TNFRSF10B: variants seen among roughly 807,000 people sequenced by gnomAD.
TNFRSF10B encodes TNF receptor superfamily member 10b, also known as tumor necrosis factor receptor superfamily member 10B.
Under a neutral mutation model 41.4 loss-of-function variants are expected in TNFRSF10B, and 35 were observed. The ratio of observed to expected loss-of-function variants is 0.85; its 90% CI spans 0.65 to 1.12. The LOEUF (loss-of-function observed/expected upper bound fraction) is 1.12, where lower values mean the gene tolerates loss of function less well. TNFRSF10B is among the 50% of genes most tolerant of loss of function. TNFRSF10B has a pLI of 0.00. For synonymous variants in TNFRSF10B, 230 were observed against 215.5 expected, an observed-to-expected ratio of 1.07 and a Z score of -0.59; for missense variants, 584 against 552.7, an observed-to-expected ratio of 1.06 and a Z score of -0.57.
intron 7 of TNFRSF10B, among the ~76,000 whole-genome samples, chr8:23,026,451 T>G (rs1811704038): frequency 6.6e-6 from 1 of 152,208 alleles, no homozygotes; most frequent in Admixed American, 6.5e-5. Flanking sequence ...TTTCTCAGCT[T>G]ATATTGAATC....
chr8:23,033,581 G>A (rs1207882164), intron 2 of TNFRSF10B, among the ~76,000 whole-genome samples: 20 of 82,374 alleles, frequency 2.4e-4, no homozygotes, highest in African/African-American at 8.4e-4. Context: ...GCGAGACTCC[G>A]TCTCAAAAAA....
At position 23,068,955 on chromosome 8, in the gene TNFRSF10B, CG is replaced by C. The variant is rs1226249019; in HGVS notation, c.-62del. The C allele has an allele frequency of 1.6e-5, 25 of 1,611,780 alleles. No individual in the cohort carries two copies. The highest frequency in any genetic ancestry group is 2.7e-5 in the African/African-American group (2 of 74,888). On this transcript the variant is annotated 5_prime_UTR_variant, in exon 1 of 9. An upstream open reading frame in the 5' UTR loses its in-frame stop. Transcript: ENST00000276431. ...GTGGGTTTCAGCCCTTAAAGTAGATCGGGCATCGTCGGTGTATTTTGTGGGC... is the reference window on the plus strand; with the variant it reads ...GTGGGTTTCAGCCCTTAAAGTAGATCGGCATCGTCGGTGTATTTTGTGGGC...
rs543325834 is a variant in TNFRSF10B at position 23,020,657 on chromosome 8, A to G, written c.*2014T>C. 206 of 453,986 alleles carry G rather than the reference A, an allele frequency of 4.5e-4. No individual in the cohort carries two copies. Among genetic ancestry groups the G allele is most frequent in the Admixed American group, 4.0e-3 (170 of 42,558 alleles). The allele number at this position is 453,986 out of a possible 1,614,324, so 28.1% of individuals were successfully genotyped here. A position where few individuals can be genotyped will look rare whatever the true frequency, so the allele number is the denominator to read the frequency against. On this transcript the variant is annotated 3_prime_UTR_variant, in exon 9 of 9. Transcript: ENST00000276431. ...CACTGAGCCAAGATCGTACCGTTGC[A>G]CTCCAGCCTGGGCGAGAGAGTGAGA...
At position 23,057,165 on chromosome 8, in the gene TNFRSF10B, G is replaced by A. The variant is rs558872764; in HGVS notation, c.144+11586C>T. ...TGCCATTCTCCTGCCTCAGCCTCCC[G>A]AGTAGCTGGGACTACAGGAGCCCAC... is the stretch of plus-strand genomic sequence containing the variant. On this transcript the variant is annotated intron_variant, in intron 1 of 8. Transcript: ENST00000276431. Among the ~76,000 whole-genome samples the A allele has an allele frequency of 1.7e-4, 25 of 149,484 alleles. 1 individual carries two copies. Among genetic ancestry groups the A allele is most frequent in the African/African-American group, 5.7e-4 (23 of 40,088 alleles).
rs1813080039 is a variant in TNFRSF10B at position 23,068,791 on chromosome 8, G to C, written c.104C>G (p.Pro35Arg). Residue 35 changes from proline to arginine, a missense_variant, in exon 1 of 9, where the codon CCC (proline) becomes CGC (arginine). Transcript: ENST00000276431. ...GGCGACAACGAGCACAAGGGTCTTG[G>C]GGACCCGGGGCCCAGGCCTGGCTCC... ...ARGARPGPRV[P>R]KTLVLVVAAV... The C allele has an allele frequency of 6.2e-7, 1 of 1,607,696 alleles. No homozygotes were observed. Among genetic ancestry groups the C allele is most frequent in the African/African-American group, 1.3e-5 (1 of 74,820 alleles).
chr8:23,026,691 C>G (rs1811714024), intron 7 of TNFRSF10B, among the ~76,000 whole-genome samples: 1 of 152,160 alleles, frequency 6.6e-6, no homozygotes, highest in Non-Finnish European at 1.5e-5. Context: ...ATACAAAAGC[C>G]CTTTGTGCAT....
intron 1 of TNFRSF10B, among the ~76,000 whole-genome samples, chr8:23,066,790 G>A (rs997685890): frequency 3.3e-5 from 5 of 151,884 alleles, no homozygotes; most frequent in Admixed American, 1.3e-4. Flanking sequence ...CCAGCTACAC[G>A]GGATGCTGAG....
chr8:23,026,546 C>A (rs959619231), intron 7 of TNFRSF10B, among the ~76,000 whole-genome samples: 1 of 152,138 alleles, frequency 6.6e-6, no homozygotes. Context: ...ACTGGATAGT[C>A]TCATCTTATG....
chr8:23,057,778 G>A (rs987064112), intron 1 of TNFRSF10B, among the ~76,000 whole-genome samples: 3 of 152,156 alleles, frequency 2.0e-5, no homozygotes, highest in African/African-American at 7.2e-5. Context: ...TCTACCAGAT[G>A]AATTAACTCT....
chr8:23,068,392 A>C, intron 1 of TNFRSF10B: 1 of 338,330 alleles, frequency 3.0e-6, no homozygotes, highest in Non-Finnish European at 5.5e-6. Context: ...AAAGAAAGGA[A>C]GAAAGAGAAA....
chr8:23,026,124 C>T (rs1811695423), intron 7 of TNFRSF10B, among the ~76,000 whole-genome samples: 1 of 152,112 alleles, frequency 6.6e-6, no homozygotes, highest in Non-Finnish European at 1.5e-5. Context: ...GAAGTATTGG[C>T]ATTGTTCATT....
At chr8:23,027,500 G>A (rs1362352939) in intron 6 of TNFRSF10B, 1 of 782,632 alleles carries the variant, frequency 1.3e-6, no homozygotes, top group African/African-American at 1.7e-5. Context: ...CTAGGGTGCA[G>A]GCTGTGGGGT....
chr8:23,030,860 G>A lies in TNFRSF10B; in HGVS notation c.263C>T (p.Ser88Leu), dbSNP rs1441954339. 1.9e-6 allele frequency: 3 copies of A among 1,609,996 alleles called. No homozygotes were observed. The South Asian group carries it at 3.3e-5, about 18-fold the overall frequency. ...GGAGATGCAATCTCTACCGTCTTCT[G>A]AGATATGGTGTCCTGGGAGGGGAGA... ...EGLCPPGHHI[S>L]EDGRDCISCK... The change falls in exon 3 of 9, where the codon TCA (serine) becomes TTA (leucine). Residue 88 changes from serine to leucine, a missense_variant. Transcript: ENST00000276431.
chr8:23,042,498 C>T (rs932297414), intron 2 of TNFRSF10B, among the ~76,000 whole-genome samples: 21 of 152,138 alleles, frequency 1.4e-4, no homozygotes, highest in Non-Finnish European at 2.6e-4. Flanking sequence ...GCTCAAATGA[C>T]CTTACGGGAC....
At position 23,022,886 on chromosome 8, in the gene TNFRSF10B, C is replaced by G; in HGVS notation, c.1108G>C (p.Val370Leu). ...KLGLMDNEIKVAKAEAAGHRD... is the reference protein window; with the variant it reads ...KLGLMDNEIKLAKAEAAGHRD... ...TGGCCCGCTGCCTCAGCTTTAGCCA[C>G]CTTTATCTCATTGTCCATGAGGCCC... Residue 370 changes from valine (V) to leucine (L), a missense_variant, in exon 9 of 9, where the codon GTG becomes CTG. Val to Leu is a conservative substitution (Grantham distance 32, BLOSUM62 1). Coordinates refer to ENST00000276431, the MANE Select transcript of TNFRSF10B (RefSeq NM_003842.5). 1.2e-6 allele frequency: 2 copies of G among 1,614,074 alleles called. No individual in the cohort carries two copies. The highest frequency in any genetic ancestry group is 1.7e-6 in the Non-Finnish European group (2 of 1,180,038).
intron 1 of TNFRSF10B, among the ~76,000 whole-genome samples, chr8:23,056,199 A>G (rs1249481671): frequency 2.1e-5 from 3 of 146,094 alleles, no homozygotes; most frequent in Admixed American, 6.8e-5. Flanking sequence ...TTTCATGTTT[A>G]TAATTTCACT....
At chr8:23,033,355 C>A (rs971723892) in intron 2 of TNFRSF10B, among the ~76,000 whole-genome samples, 4 of 151,928 alleles carry the variant, frequency 2.6e-5, no homozygotes, top group Non-Finnish European at 5.9e-5. Flanking sequence ...GAGGCCGAGG[C>A]GGGCGGATCA....
In TNFRSF10B at chr8:23,021,627, G is replaced by C. The variant is rs1338862576; in HGVS notation, c.*1044C>G. ...CTATGGGTGCAAATGAGACTGCCCA[G>C]GTAGGGACCAGCCACACACAGGACT... On this transcript the variant is annotated 3_prime_UTR_variant, in exon 9 of 9. Coordinates refer to ENST00000276431, the MANE Select transcript of TNFRSF10B (RefSeq NM_003842.5). 1 of 454,008 alleles carries C rather than the reference G, an allele frequency of 2.2e-6. No individual in the cohort carries two copies. The highest frequency in any genetic ancestry group is 4.4e-6 in the Non-Finnish European group (1 of 226,804). The allele number at this position is 454,008 out of a possible 1,614,324, so 28.1% of individuals were successfully genotyped here.
chr8:23,043,392 T>C, intron 1 of TNFRSF10B, 149 bp from the exon 2 acceptor site: 1 of 654,280 alleles, frequency 1.5e-6, no homozygotes, highest in East Asian at 2.7e-5. Context: ...CCTTTAGTGT[T>C]TGTTTGTCCC....
Sources: allele counts gnomAD v4.1 joint callset (sites outside exome capture counted in the v4.1 genomes callset), GRCh38; gene constraint gnomAD v4.1.1; transcripts MANE v1.5; gene names NCBI Gene and HGNC (gene_info 2026-07-23, HGNC 2026-07-21).